The following NR6A1 variants were observed in gnomAD, a reference collection of about 807,000 sequenced individuals.
The protein encoded by NR6A1 is retinoic acid receptor-related testis-associated receptor.
NR6A1 carries 7 observed loss-of-function variants against 59.1 expected under a neutral mutation model. The observed-to-expected ratio is 0.12, with a 90% CI of 0.07 to 0.22. NR6A1 has a LOEUF of 0.22. Among genes scored for constraint, NR6A1 ranks in the 10% least tolerant of loss-of-function variants. The pLI, the probability that NR6A1 is intolerant of heterozygous loss-of-function variation, is 1.00. For synonymous variants in NR6A1, 243 were observed against 236.1 expected, an observed-to-expected ratio of 1.03 and a Z score of -0.27; for missense variants, 468 against 611.6, an observed-to-expected ratio of 0.77 and a Z score of 2.48.
intron 1 of NR6A1, among the ~76,000 whole-genome samples, chr9:124,734,385 G>C (rs1004005630): frequency 6.6e-6 from 1 of 152,164 alleles, no homozygotes; most frequent in Non-Finnish European, 1.5e-5. Context: ...TATTTCACCA[G>C]TAAATTCAGA....
chr9:124,599,738 T>C (rs754338908), intron 2 of NR6A1, among the ~76,000 whole-genome samples: 3 of 152,214 alleles, frequency 2.0e-5, no homozygotes, highest in Non-Finnish European at 4.4e-5. Flanking sequence ...GTTTCCACTT[T>C]CATTTTAAAG....
Position 124,771,234 on chromosome 9 carries a change from G to C in NR6A1, c.-115C>G, listed in dbSNP as rs1462415617. On this transcript the variant is annotated 5_prime_UTR_variant, in exon 1 of 10. Coordinates refer to ENST00000487099, the MANE Select transcript of NR6A1 (RefSeq NM_033334.4). Reference sequence around the variant, plus strand: ...GTTGTCAGGAGCCCGCGAGCTCCCGGCCGCGGCTCTCTCTGGGCCCCGAGC... The same window carrying C: ...GTTGTCAGGAGCCCGCGAGCTCCCGCCCGCGGCTCTCTCTGGGCCCCGAGC... 1.9e-6 allele frequency: 1 copy of C among 529,236 alleles called. No individual in the cohort carries two copies. Among genetic ancestry groups the C allele is most frequent in the South Asian group, 9.9e-5 (1 of 10,132 alleles). 32.8% of individuals were successfully genotyped at this position (529,236 alleles called of 1,614,324 possible). A position where few individuals can be genotyped will look rare whatever the true frequency, so the allele number is the denominator to read the frequency against.
intron 2 of NR6A1, among the ~76,000 whole-genome samples, chr9:124,706,051 C>T (rs763069093): frequency 3.2e-4 from 48 of 152,350 alleles, no homozygotes; most frequent in Non-Finnish European, 3.8e-4. Flanking sequence ...GCCGGGATTA[C>T]AGGCGTAAGC....
intron 2 of NR6A1, among the ~76,000 whole-genome samples, chr9:124,650,992 TAGAAAG>T (rs1837084137): frequency 6.6e-6 from 1 of 152,074 alleles, no homozygotes; most frequent in Non-Finnish European, 1.5e-5. Context: ...AAATAGGTAA[TAGAAAG>T]AAAGGACTTT....
intron 2 of NR6A1, among the ~76,000 whole-genome samples, chr9:124,614,727 A>G (rs1350798089): frequency 6.6e-6 from 1 of 152,226 alleles, no homozygotes; most frequent in Non-Finnish European, 1.5e-5. Context: ...GACTGTAAAG[A>G]TAATATCATC....
At chr9:124,570,870 G>A (rs1290710370) in intron 2 of NR6A1, among the ~76,000 whole-genome samples, 2 of 152,190 alleles carry the variant, frequency 1.3e-5, no homozygotes, top group African/African-American at 2.4e-5. Flanking sequence ...AAGTATTTTT[G>A]AAGTTGGAAG....
intron 3 of NR6A1, among the ~76,000 whole-genome samples, chr9:124,552,550 T>C (rs1833809432): frequency 6.6e-6 from 1 of 152,228 alleles, no homozygotes; most frequent in Non-Finnish European, 1.5e-5. Flanking sequence ...TGCCACATGG[T>C]AGACATGTGA....
intron 2 of NR6A1, among the ~76,000 whole-genome samples, chr9:124,591,998 AG>A (rs1455932081): frequency 6.6e-6 from 1 of 152,232 alleles, no homozygotes; most frequent in Non-Finnish European, 1.5e-5. Context: ...CGGCTTAAAA[AG>A]AAACCCCAGT....
intron 1 of NR6A1, among the ~76,000 whole-genome samples, chr9:124,745,256 TG>T (rs530053108): frequency 1.3e-3 from 148 of 115,114 alleles, no homozygotes; most frequent in Middle Eastern, 4.7e-3. Context: ...CATATATACA[TG>T]AAAAAAAAAA....
At chr9:124,758,263 T>G (rs1840692506) in intron 1 of NR6A1, among the ~76,000 whole-genome samples, 1 of 152,214 alleles carries the variant, frequency 6.6e-6, no homozygotes, top group Admixed American at 6.5e-5. Flanking sequence ...CACTCTTCAC[T>G]TCACCCCTCC....
intron 9 of NR6A1, among the ~76,000 whole-genome samples, chr9:124,524,098 G>C (rs1373041129): frequency 6.6e-6 from 1 of 152,022 alleles, no homozygotes; most frequent in African/African-American, 2.4e-5. Flanking sequence ...TGCAAATACA[G>C]GATTTTAAAC....
intron 1 of NR6A1, among the ~76,000 whole-genome samples, chr9:124,743,814 C>T (rs970861872): frequency 6.6e-6 from 1 of 152,214 alleles, no homozygotes. Flanking sequence ...AATTACAGCA[C>T]AGGCATTTCT....
intron 1 of NR6A1, among the ~76,000 whole-genome samples, chr9:124,740,344 G>A (rs2131145678): frequency 6.6e-6 from 1 of 152,204 alleles, no homozygotes; most frequent in East Asian, 1.9e-4. Context: ...GAAAAAGACT[G>A]GTTTCAAAAT....
chr9:124,625,800 T>C (rs938703748), intron 2 of NR6A1, among the ~76,000 whole-genome samples: 1 of 152,176 alleles, frequency 6.6e-6, no homozygotes, highest in Non-Finnish European at 1.5e-5. Flanking sequence ...AATGTGAGTG[T>C]GCCTCATCAA....
chr9:124,553,549 C>CTTTTTTTTT lies in NR6A1; in HGVS notation c.385+770_385+778dup, dbSNP rs780925768. ...GAAATCACCCTGCTTTTTAGCTTGA[C>CTTTTTTTTT]TTTTTTTTTTTTTTTTTTTTTTTTT... On this transcript the variant is annotated intron_variant, in intron 3 of 9. Coordinates refer to ENST00000487099, the MANE Select transcript of NR6A1 (RefSeq NM_033334.4). 9.3e-3 allele frequency among the ~76,000 whole-genome samples: 439 copies of CTTTTTTTTT among 47,320 alleles called. 1 individual carries two copies. The highest frequency in any genetic ancestry group is 0.011 in the African/African-American group (138 of 12,858). 31.0% of individuals were successfully genotyped at this position (47,320 alleles called of 152,430 possible).
chr9:124,684,272 G>A (rs1838259580), intron 2 of NR6A1, among the ~76,000 whole-genome samples: 1 of 152,174 alleles, frequency 6.6e-6, no homozygotes, highest in Non-Finnish European at 1.5e-5. Context: ...CTTGGCAGGT[G>A]TTCTCTAAGC....
chr9:124,593,270 C>T (rs1190176194), intron 2 of NR6A1, among the ~76,000 whole-genome samples: 2 of 152,136 alleles, frequency 1.3e-5, no homozygotes, highest in Non-Finnish European at 2.9e-5. Flanking sequence ...GTTGAAGTTT[C>T]GAGAGCCAAT....
chr9:124,736,502 GT>G (rs1292688260), intron 1 of NR6A1, among the ~76,000 whole-genome samples: 1 of 152,190 alleles, frequency 6.6e-6, no homozygotes, highest in Non-Finnish European at 1.5e-5. Flanking sequence ...CCCTAACTTT[GT>G]TGTAAATTGG....
chr9:124,729,950 T>C (rs1053536352), intron 2 of NR6A1, among the ~76,000 whole-genome samples: 1 of 152,076 alleles, frequency 6.6e-6, no homozygotes, highest in African/African-American at 2.4e-5. Flanking sequence ...GTAGCTGGGA[T>C]TACAGGCATG....
Sources: gnomAD v4.1 joint callset for allele counts (sites outside exome capture counted in the v4.1 genomes callset) on GRCh38, gnomAD v4.1.1 for gene constraint, MANE v1.5 for transcripts, NCBI Gene and HGNC (gene_info 2026-07-23, HGNC 2026-07-21) for gene names.